Variants in NSUN6 observed in about 807,000 individuals in gnomAD.
NSUN6 encodes the protein NOP2/Sun RNA methyltransferase 6.
NSUN6 carries 64 observed loss-of-function variants against 58.0 expected under a neutral mutation model. The observed-to-expected ratio is 1.10, with a 90% CI of 0.90 to 1.36. The LOEUF (loss-of-function observed/expected upper bound fraction) is 1.36. Ranked by LOEUF, NSUN6 falls within the 40% of genes most tolerant of loss-of-function variation. The pLI is 0.00. For synonymous variants in NSUN6, 231 were observed against 193.9 expected (o/e 1.19, Z -1.59); for missense variants, 701 against 550.1 (o/e 1.27, Z -2.74).
chr10:18,656,910 T>G (rs1469206989), upstream of NSUN6, among the ~76,000 whole-genome samples: 1 of 147,126 alleles, frequency 6.8e-6, no homozygotes, highest in African/African-American at 2.5e-5. Context: ...CACTGCAGTC[T>G]TGACCTCCTT....
chr10:18,548,294 GA>G lies in NSUN6; in HGVS notation c.1072-58del, dbSNP rs45557636. 5.4e-3 allele frequency: 7,908 copies of G among 1,454,542 alleles called. 34 individuals carry two copies. The highest frequency in any genetic ancestry group is 0.016 in the Middle Eastern group (87 of 5,612). The allele number at this position is 1,454,542 out of a possible 1,614,324, so 90.1% of individuals were successfully genotyped here. A position where few individuals can be genotyped will look rare whatever the true frequency, so the allele number is the denominator to read the frequency against. On this transcript the variant is annotated intron_variant, in intron 9 of 10. Transcript: ENST00000377304. ...CACAAGACCAGATAAACATATGAATGAATTTCAAAGCAAAAGGTATAATGTC... is the reference window on the plus strand; with the variant it reads ...CACAAGACCAGATAAACATATGAATGATTTCAAAGCAAAAGGTATAATGTC...
intron 2 of NSUN6, among the ~76,000 whole-genome samples, chr10:18,643,656 C>T (rs1010817613): frequency 2.6e-5 from 4 of 152,100 alleles, no homozygotes; most frequent in Admixed American, 2.6e-4. Flanking sequence ...AGATAAATTC[C>T]ACCTCAATCA....
In NSUN6 at chr10:18,651,391, G is replaced by A. The variant is rs2059701667; in HGVS notation, c.-188C>T. 1 of 1,292,778 alleles carries A rather than the reference G, an allele frequency of 7.7e-7. No homozygotes were observed. Among genetic ancestry groups the A allele is most frequent in the Non-Finnish European group, 9.8e-7 (1 of 1,023,060 alleles). 80.1% of individuals were successfully genotyped at this position (1,292,778 alleles called of 1,614,324 possible). A position where few individuals can be genotyped will look rare whatever the true frequency, so the allele number is the denominator to read the frequency against. ...TTCTCAAGCCTAGCCGATTAGAAGGGGCTGCCGGGCTTCCACCACACCTCA... is the reference window on the plus strand; with the variant it reads ...TTCTCAAGCCTAGCCGATTAGAAGGAGCTGCCGGGCTTCCACCACACCTCA... On this transcript the variant is annotated 5_prime_UTR_variant, in exon 1 of 11. Transcript: ENST00000377304.
intron 5 of NSUN6, among the ~76,000 whole-genome samples, chr10:18,611,209 A>C (rs534642912): frequency 6.6e-6 from 1 of 151,952 alleles, no homozygotes; most frequent in East Asian, 1.9e-4. Context: ...TTTTAAAAAA[A>C]TTTTTTTTAA....
chr10:18,588,002 GC>G lies in NSUN6; in HGVS notation c.778-1910del, dbSNP rs370387835. 6.3e-4 allele frequency among the ~76,000 whole-genome samples: 96 copies of G among 152,300 alleles called. 2 individuals carry two copies. In the East Asian group the frequency reaches 0.016, roughly 26 times the overall value. On this transcript the variant is annotated intron_variant, in intron 7 of 10. Transcript: ENST00000377304. ...ACTCAGTAGGTCCCACTGTCACGGA[GC>G]CCAGCAAGCTAAGAACCACTGGCTT...
rs143377499 is a variant in NSUN6, at chr10:18,606,194, A to G, written c.657+3651T>C. Among the ~76,000 whole-genome samples, 71 of 152,262 alleles carry G rather than the reference A, an allele frequency of 4.7e-4. No individual in the cohort carries two copies. In the East Asian group the frequency reaches 9.9e-3, roughly 21 times the overall value. ...ATCACAATACACTTAAAAGTGCAAA[A>G]TACACAAACAGCAGATTCCTGTAGG... On this transcript the variant is annotated intron_variant, in intron 6 of 10. Transcript: ENST00000377304.
chr10:18,586,196 T>C, intron 7 of NSUN6, 103 bp from the exon 8 acceptor site: 1 of 887,590 alleles, frequency 1.1e-6, no homozygotes, highest in Admixed American at 3.2e-5. Flanking sequence ...TTATGGTCTT[T>C]TCCACCATAC....
intron 8 of NSUN6, among the ~76,000 whole-genome samples, chr10:18,577,774 T>C (rs1207596233): frequency 1.3e-5 from 2 of 152,250 alleles, no homozygotes; most frequent in Non-Finnish European, 2.9e-5. Context: ...TGCTCCACCC[T>C]GACTCATTCT....
intron 3 of NSUN6, among the ~76,000 whole-genome samples, chr10:18,641,063 A>G (rs10741120): frequency 0.82 from 124,131 of 151,922 alleles, 51,028 homozygotes; most frequent in East Asian, 0.98. Context: ...TCCCAAGTAT[A>G]GCAATTTGCT....
rs879424331 is a variant in NSUN6, at chr10:18,562,809, TGAAAG to T, written c.923-10843_923-10839del. 2.8e-3 allele frequency among the ~76,000 whole-genome samples: 391 copies of T among 142,152 alleles called. 2 individuals carry two copies. The highest frequency in any genetic ancestry group is 4.3e-3 in the Non-Finnish European group (286 of 65,870). The allele number at this position is 142,152 out of a possible 152,430, so 93.3% of individuals were successfully genotyped here. A position where few individuals can be genotyped will look rare whatever the true frequency, so the allele number is the denominator to read the frequency against. ...GAATGGAATGGAGTGGAGAATGGAA[TGAAAG>T]GGAGGATGGAATGGAATGAAATGGA... is the stretch of plus-strand genomic sequence containing the variant. On this transcript the variant is annotated intron_variant, in intron 8 of 10. Transcript: ENST00000377304.
At chr10:18,648,091 A>G (rs2059601994) in intron 2 of NSUN6, among the ~76,000 whole-genome samples, 1 of 152,110 alleles carries the variant, frequency 6.6e-6, no homozygotes, top group Non-Finnish European at 1.5e-5. Flanking sequence ...GGTACTTAGT[A>G]TGTACCTCCT....
intron 8 of NSUN6, among the ~76,000 whole-genome samples, chr10:18,558,113 T>C (rs781166389): frequency 1.4e-5 from 2 of 147,998 alleles, no homozygotes; most frequent in African/African-American, 2.5e-5. Context: ...TAGAGTGGAA[T>C]GGACTGGAGA....
upstream of NSUN6, among the ~76,000 whole-genome samples, chr10:18,656,792 C>T (rs1590217802): frequency 1.4e-5 from 2 of 144,634 alleles, no homozygotes; most frequent in Middle Eastern, 3.7e-3. Flanking sequence ...TTCCAATGAA[C>T]ACTTAAGAAA....
intron 6 of NSUN6, among the ~76,000 whole-genome samples, chr10:18,603,557 G>T (rs1321450825): frequency 6.7e-6 from 1 of 149,878 alleles, no homozygotes; most frequent in Non-Finnish European, 1.5e-5. Flanking sequence ...TTCAACCTCC[G>T]CCTCCCGGGT....
chr10:18,566,940 G>A (rs2056001659), intron 8 of NSUN6, among the ~76,000 whole-genome samples: 1 of 139,930 alleles, frequency 7.1e-6, no homozygotes, highest in East Asian at 2.2e-4. Context: ...CTCCATTCCA[G>A]CCTCCATTAT....
chr10:18,603,317 C>A (rs1639526906), intron 6 of NSUN6, among the ~76,000 whole-genome samples: 2 of 152,114 alleles, frequency 1.3e-5, no homozygotes, highest in Non-Finnish European at 2.9e-5. Context: ...ATTTACTCCA[C>A]AAAATGTAAT....
chr10:18,620,140 T>G (rs1481525697), intron 3 of NSUN6, among the ~76,000 whole-genome samples: 1 of 151,426 alleles, frequency 6.6e-6, no homozygotes, highest in Non-Finnish European at 1.5e-5. Context: ...CAGGCTGGAG[T>G]GCAGTTGCGC....
At chr10:18,635,556 G>T (rs1343840709) in intron 3 of NSUN6, among the ~76,000 whole-genome samples, 1 of 152,126 alleles carries the variant, frequency 6.6e-6, no homozygotes, top group South Asian at 2.1e-4. Flanking sequence ...GAGGAAATAG[G>T]CTGAGTGTGG....
At chr10:18,598,029 T>C (rs912857651) in intron 6 of NSUN6, among the ~76,000 whole-genome samples, 2 of 152,230 alleles carry the variant, frequency 1.3e-5, no homozygotes, top group African/African-American at 2.4e-5. Flanking sequence ...TACATCCAGA[T>C]GGCCTGAAGC....
Sources: allele counts gnomAD v4.1 joint callset (sites outside exome capture counted in the v4.1 genomes callset), GRCh38; gene constraint gnomAD v4.1.1; transcripts MANE v1.5; gene names NCBI Gene and HGNC (gene_info 2026-07-23, HGNC 2026-07-21).